Variants in TTC29 observed in about 807,000 individuals in gnomAD.
The protein encoded by TTC29 is tetratricopeptide repeat protein 29.
In TTC29, 49 loss-of-function variants were observed where a neutral mutation model predicts 58.1. That is an observed-to-expected ratio of 0.84 (90% CI 0.67 to 1.07). The LOEUF (loss-of-function observed/expected upper bound fraction) is 1.07, where lower values mean the gene tolerates loss of function less well. Ranked by LOEUF, TTC29 falls within the 50% of genes least tolerant of loss-of-function variation. TTC29 has a pLI of 0.00. For missense variants in TTC29, 582 were observed against 555.6 expected (o/e 1.05, Z -0.48); for synonymous variants, 209 against 196.8 (o/e 1.06, Z -0.52).
intron 7 of TTC29, 48 bp from the exon 8 acceptor site, chr4:146,867,631 A>C: frequency 1.1e-6 from 1 of 891,910 alleles, no homozygotes; most frequent in Non-Finnish European, 1.7e-6. Context: ...TAAATGATTT[A>C]TTACAACAAA....
At chr4:146,792,731 G>C (rs1333931895) in intron 11 of TTC29, among the ~76,000 whole-genome samples, 1 of 152,088 alleles carries the variant, frequency 6.6e-6, no homozygotes, top group Admixed American at 6.6e-5. Context: ...AGCTTCCATA[G>C]GTAGTTGATT....
chr4:146,858,255 G>A (rs145657060), intron 8 of TTC29, among the ~76,000 whole-genome samples: 1 of 152,194 alleles, frequency 6.6e-6, no homozygotes, highest in African/African-American at 2.4e-5. Context: ...AGGTCACACA[G>A]CTAGTGCATG....
rs1203352042 is a variant in TTC29, at chr4:146,876,485, G to C, written c.587-1557C>G. ...GAATTTCATTGAATAGTGTGGGTTG[G>C]AGCTACTTCCATGACTATTGCATAT... is the stretch of plus-strand genomic sequence containing the variant. On this transcript the variant is annotated intron_variant, in intron 6 of 12. Transcript: ENST00000325106. 3.3e-5 allele frequency among the ~76,000 whole-genome samples: 5 copies of C among 152,132 alleles called. 1 individual carries two copies. The highest frequency in any genetic ancestry group is 6.6e-5 in the Admixed American group (1 of 15,262).
intron 10 of TTC29, among the ~76,000 whole-genome samples, chr4:146,807,202 C>A (rs1750677309): frequency 6.6e-6 from 1 of 152,110 alleles, no homozygotes; most frequent in Non-Finnish European, 1.5e-5. Context: ...AGAACAAAGA[C>A]ACAATGTATC....
chr4:146,734,639 T>C (rs1744589756), intron 11 of TTC29, among the ~76,000 whole-genome samples: 2 of 151,944 alleles, frequency 1.3e-5, no homozygotes. Context: ...TGGAGTTGAA[T>C]TGGGGGACAT....
At chr4:146,765,060 A>G (rs995664056) in intron 11 of TTC29, among the ~76,000 whole-genome samples, 9 of 152,230 alleles carry the variant, frequency 5.9e-5, no homozygotes, top group East Asian at 1.9e-4. Context: ...GTTATGTCAG[A>G]CCTCAATGTA....
chr4:146,772,023 A>G (rs1278909410), intron 11 of TTC29, among the ~76,000 whole-genome samples: 3 of 152,026 alleles, frequency 2.0e-5, no homozygotes, highest in African/African-American at 7.2e-5. Context: ...GCATCTTCTT[A>G]TATGCTTGTT....
At chr4:146,709,952 T>C (rs138659970) in intron 11 of TTC29, among the ~76,000 whole-genome samples, 80 of 152,238 alleles carry the variant, frequency 5.3e-4, no homozygotes, top group Admixed American at 6.6e-4. Flanking sequence ...TGCCCTCTTG[T>C]CTAGACAAGA....
At chr4:146,814,278 A>G (rs1042933331) in intron 10 of TTC29, among the ~76,000 whole-genome samples, 1 of 152,162 alleles carries the variant, frequency 6.6e-6, no homozygotes, top group Non-Finnish European at 1.5e-5. Flanking sequence ...GATAATTCAA[A>G]TACAGTAATT....
intron 11 of TTC29, among the ~76,000 whole-genome samples, chr4:146,720,055 T>C (rs1743247477): frequency 6.6e-6 from 1 of 152,156 alleles, no homozygotes; most frequent in Non-Finnish European, 1.5e-5. Context: ...CCTAGATGAA[T>C]GTGTCTAAGA....
At chr4:146,840,635 T>C (rs1728795780) in intron 8 of TTC29, among the ~76,000 whole-genome samples, 2 of 152,022 alleles carry the variant, frequency 1.3e-5, no homozygotes, top group Admixed American at 6.6e-5. Context: ...TAATACAAAA[T>C]CCCTGGCCCA....
intron 4 of TTC29, among the ~76,000 whole-genome samples, chr4:146,914,872 T>C (rs903086309): frequency 7.2e-5 from 11 of 152,114 alleles, no homozygotes; most frequent in Admixed American, 3.9e-4. Context: ...CTGAACAATA[T>C]GGCATAACTC....
At chr4:146,915,446 G>A (rs1231851849) in intron 4 of TTC29, among the ~76,000 whole-genome samples, 1 of 151,968 alleles carries the variant, frequency 6.6e-6, no homozygotes, top group Non-Finnish European at 1.5e-5. Context: ...CTCTTTAAAA[G>A]GAGAGAGCAG....
intron 11 of TTC29, among the ~76,000 whole-genome samples, chr4:146,757,860 T>C (rs561496041): frequency 1.3e-5 from 2 of 152,120 alleles, no homozygotes; most frequent in East Asian, 3.9e-4. Flanking sequence ...ATAAAACCTC[T>C]TTAAAGCATA....
At chr4:146,806,211 C>T (rs1750605046) in intron 10 of TTC29, among the ~76,000 whole-genome samples, 1 of 152,144 alleles carries the variant, frequency 6.6e-6, no homozygotes, top group Non-Finnish European at 1.5e-5. Context: ...AACAGGCCTG[C>T]CCTACAAGAG....
intron 9 of TTC29, among the ~76,000 whole-genome samples, chr4:146,826,374 G>C (rs1381521736): frequency 6.6e-6 from 1 of 152,144 alleles, no homozygotes; most frequent in Non-Finnish European, 1.5e-5. Flanking sequence ...ATGAAGCTTA[G>C]TTTGACTGGA....
chr4:146,761,912 C>T (rs940696205), intron 11 of TTC29, among the ~76,000 whole-genome samples: 1 of 151,700 alleles, frequency 6.6e-6, no homozygotes, highest in South Asian at 2.1e-4. Flanking sequence ...TTGTGACGGA[C>T]ATTCTTCTTA....
intron 6 of TTC29, among the ~76,000 whole-genome samples, chr4:146,889,399 T>C (rs1209692727): frequency 6.6e-6 from 1 of 152,056 alleles, no homozygotes; most frequent in Non-Finnish European, 1.5e-5. Context: ...AACTAAACAA[T>C]ACATGCACAA....
chr4:146,922,948 T>C (rs910608683), intron 4 of TTC29, among the ~76,000 whole-genome samples: 4 of 151,854 alleles, frequency 2.6e-5, no homozygotes, highest in Non-Finnish European at 5.9e-5. Flanking sequence ...CCTACCCCTT[T>C]TCCCCTGACC....
Sources: allele counts gnomAD v4.1 joint callset (sites outside exome capture counted in the v4.1 genomes callset), GRCh38; gene constraint gnomAD v4.1.1; transcripts MANE v1.5; gene names NCBI Gene and HGNC (gene_info 2026-07-23, HGNC 2026-07-21).